Variants in PLCB4 observed in about 807,000 individuals in gnomAD.
PLCB4 encodes the protein 1-phosphatidylinositol 4,5-bisphosphate phosphodiesterase beta-4.
PLCB4 carries 77 observed loss-of-function variants against 178.8 expected under a neutral mutation model. That is an observed-to-expected ratio of 0.43 (90% CI 0.36 to 0.52). The LOEUF (loss-of-function observed/expected upper bound fraction) is 0.52. Ranked by LOEUF, PLCB4 falls within the 20% of genes least tolerant of loss-of-function variation. The pLI is 0.00. For missense variants in PLCB4, 1,024 were observed against 1,453.4 expected (o/e 0.70, Z 4.80); for synonymous variants, 496 against 490.8 (o/e 1.01, Z -0.14).
At chr20:9,207,172 A>G (rs1229382831) in intron 2 of PLCB4, among the ~76,000 whole-genome samples, 4 of 152,216 alleles carry the variant, frequency 2.6e-5, no homozygotes, top group Non-Finnish European at 5.9e-5. Context: ...ACCACAAAGC[A>G]TCAGATTAAA....
intron 2 of PLCB4, among the ~76,000 whole-genome samples, chr20:9,161,779 C>A (rs533994128): frequency 1.3e-5 from 2 of 152,132 alleles, no homozygotes; most frequent in Non-Finnish European, 2.9e-5. Flanking sequence ...TCTGTTCTAA[C>A]TTGAAAGGTA....
chr20:9,380,155 GA>G lies in PLCB4; in HGVS notation c.852del (p.Gly285AlafsTer12). On this transcript the variant is annotated frameshift_variant, in exon 13 of 40. Transcript: ENST00000378473. LOFTEE classifies it high-confidence loss of function. ...EMYEPDEDLKKKGLISSDGFC... is the reference protein window; with the variant it reads ...EMYEPDEDLKXKGLISSDGFC... ...TGTATGAACCTGATGAAGATTTGAA[GA>G]AAAAAGGTAATAAACATGAAAAAAG... is the stretch of plus-strand genomic sequence containing the variant. The G allele has an allele frequency of 4.4e-6, 6 of 1,374,006 alleles. No individual in the cohort carries two copies. The highest frequency in any genetic ancestry group is 5.9e-6 in the Non-Finnish European group (6 of 1,015,020). The allele number at this position is 1,374,006 out of a possible 1,614,324, so 85.1% of individuals were successfully genotyped here. A position where few individuals can be genotyped will look rare whatever the true frequency, so the allele number is the denominator to read the frequency against.
intron 2 of PLCB4, among the ~76,000 whole-genome samples, chr20:9,203,056 A>AAAATATATATATATATATATATAT (rs769628056): frequency 7.1e-5 from 9 of 126,156 alleles, no homozygotes; most frequent in African/African-American, 3.0e-4. Context: ...AAAAAAAAAA[A>AAAATATATATATATATATATATAT]ATATATATAT....
chr20:9,238,933 C>T (rs1569000078), intron 3 of PLCB4, among the ~76,000 whole-genome samples: 1 of 152,176 alleles, frequency 6.6e-6, no homozygotes, highest in African/African-American at 2.4e-5. Context: ...ATAGCCGTTT[C>T]TGTTTTTAAT....
intron 2 of PLCB4, among the ~76,000 whole-genome samples, chr20:9,137,906 A>G (rs934636736): frequency 2.0e-5 from 3 of 152,112 alleles, no homozygotes; most frequent in Non-Finnish European, 2.9e-5. Flanking sequence ...ATGATATTTG[A>G]TCATTGCTTT....
intron 10 of PLCB4, 100 bp downstream of exon 10, chr20:9,371,395 G>T: frequency 1.6e-6 from 1 of 641,536 alleles, no homozygotes; most frequent in Non-Finnish European, 2.7e-6. Flanking sequence ...ATCTAAATTA[G>T]ATTTGGAATT....
intron 2 of PLCB4, among the ~76,000 whole-genome samples, chr20:9,141,107 T>G (rs543730948): frequency 6.6e-6 from 1 of 152,248 alleles, no homozygotes; most frequent in Admixed American, 6.5e-5. Flanking sequence ...GGTCCATAAG[T>G]GCCTGATTAA....
intron 2 of PLCB4, among the ~76,000 whole-genome samples, chr20:9,165,871 G>C (rs1057283302): frequency 1.3e-5 from 2 of 151,062 alleles, no homozygotes; most frequent in African/African-American, 4.9e-5. Context: ...AAATCCTCTT[G>C]AGTTATACCA....
chr20:9,198,755 G>C (rs577349309), intron 2 of PLCB4, among the ~76,000 whole-genome samples: 4 of 152,266 alleles, frequency 2.6e-5, no homozygotes, highest in African/African-American at 9.6e-5. Context: ...CAGTTCCAGA[G>C]ATGGGAATGA....
At chr20:9,195,509 G>A (rs1460874551) in intron 2 of PLCB4, among the ~76,000 whole-genome samples, 1 of 152,224 alleles carries the variant, frequency 6.6e-6, no homozygotes, top group Admixed American at 6.5e-5. Context: ...ATCATCAGCA[G>A]TTCATTGAGG....
intron 2 of PLCB4, among the ~76,000 whole-genome samples, chr20:9,173,552 G>GT (rs1459789000): frequency 2.6e-5 from 4 of 152,172 alleles, no homozygotes; most frequent in Non-Finnish European, 4.4e-5. Context: ...GCAGGACCGT[G>GT]TTTTTTCTGG....
chr20:9,409,036 G>C lies in PLCB4; in HGVS notation c.1875-21G>C, dbSNP rs73248729. 7.3e-3 allele frequency: 11,750 copies of C among 1,600,966 alleles called. 738 individuals carry two copies. The African/African-American group carries it at 0.14, about 19-fold the overall frequency. On this transcript the variant is annotated intron_variant, in intron 23 of 39. Transcript: ENST00000378473. ...CTCTGCTGTAGGACTCTTTTTTTCT[G>C]TTTTCCTTAATAAGTTACAGTTATA...
intron 13 of PLCB4, among the ~76,000 whole-genome samples, chr20:9,382,158 C>A (rs972304929): frequency 6.6e-6 from 1 of 152,214 alleles, no homozygotes; most frequent in Non-Finnish European, 1.5e-5. Flanking sequence ...TCATGTTGGA[C>A]TTGTTTCATT....
intron 19 of PLCB4, among the ~76,000 whole-genome samples, chr20:9,399,258 G>A (rs1297963748): frequency 1.3e-5 from 2 of 152,162 alleles, no homozygotes; most frequent in African/African-American, 2.4e-5. Flanking sequence ...TAGTATCCAC[G>A]TAGGAAAGTA....
chr20:9,071,489 A>G (rs2089571323), intron 1 of PLCB4, among the ~76,000 whole-genome samples: 1 of 152,154 alleles, frequency 6.6e-6, no homozygotes, highest in African/African-American at 2.4e-5. Context: ...TTTCCTTGTG[A>G]TCACATTAGC....
chr20:9,307,507 AC>A, intron 3 of PLCB4, among the ~76,000 whole-genome samples: 1 of 73,324 alleles, frequency 1.4e-5, no homozygotes, highest in Non-Finnish European at 4.0e-5. Flanking sequence ...ACACACACAC[AC>A]ACACACACAC....
intron 3 of PLCB4, among the ~76,000 whole-genome samples, chr20:9,283,835 T>A (rs2094514966): frequency 6.6e-6 from 1 of 151,934 alleles, no homozygotes; most frequent in African/African-American, 2.4e-5. Context: ...TGCCCTACTT[T>A]ATTCCCTTTC....
intron 2 of PLCB4, among the ~76,000 whole-genome samples, chr20:9,099,104 A>G (rs556443428): frequency 1.4e-4 from 21 of 152,162 alleles, no homozygotes; most frequent in Middle Eastern, 3.4e-3. Context: ...CATTTATACT[A>G]CTATTATAAA....
At chr20:9,083,278 T>C (rs1176461596) in intron 1 of PLCB4, among the ~76,000 whole-genome samples, 1 of 152,004 alleles carries the variant, frequency 6.6e-6, no homozygotes, top group African/African-American at 2.4e-5. Context: ...GGAACATAAG[T>C]GCTTACCAAT....
Sources: gnomAD v4.1 joint callset for allele counts (sites outside exome capture counted in the v4.1 genomes callset) on GRCh38, gnomAD v4.1.1 for gene constraint, MANE v1.5 for transcripts, NCBI Gene and HGNC (gene_info 2026-07-23, HGNC 2026-07-21) for gene names.